DCBLD1: variants seen among roughly 807,000 people sequenced by gnomAD.
DCBLD1 encodes discoidin, CUB and LCCL domain containing 1.
A neutral mutation model predicts 71.5 loss-of-function variants in DCBLD1; 57 were observed. The ratio of observed to expected loss-of-function variants is 0.80; its 90% CI spans 0.64 to 0.99. The LOEUF is 0.99. Ranked by LOEUF, DCBLD1 falls within the 50% of genes least tolerant of loss-of-function variation. The pLI, the probability that DCBLD1 is intolerant of heterozygous loss-of-function variation, is 0.00. For missense variants in DCBLD1, 891 were observed against 923.5 expected (o/e 0.96, Z 0.46); for synonymous variants, 380 against 363.8 (o/e 1.04, Z -0.51).
chr6:117,511,764 A>G (rs1046928329), intron 2 of DCBLD1, among the ~76,000 whole-genome samples: 1 of 152,232 alleles, frequency 6.6e-6, no homozygotes, highest in Non-Finnish European at 1.5e-5. Flanking sequence ...AATGGTTTAT[A>G]TGTCTCTCAG....
intron 2 of DCBLD1, among the ~76,000 whole-genome samples, chr6:117,510,927 C>A (rs1360871413): frequency 6.6e-6 from 1 of 152,296 alleles, no homozygotes; most frequent in East Asian, 1.9e-4. Flanking sequence ...GTTACTACCT[C>A]ATTTAACCCT....
chr6:117,504,036 A>G, intron 2 of DCBLD1, 57 bp downstream of exon 2: 2 of 1,576,864 alleles, frequency 1.3e-6, no homozygotes, highest in Non-Finnish European at 8.7e-7. Context: ...TTTGCAGAGA[A>G]GGGCAAGTGG....
intron 2 of DCBLD1, among the ~76,000 whole-genome samples, chr6:117,506,433 A>G (rs1246815706): frequency 1.3e-5 from 2 of 152,216 alleles, no homozygotes; most frequent in African/African-American, 4.8e-5. Flanking sequence ...TTCGTCTAAA[A>G]CACAAGAAGT....
Position 117,482,728 on chromosome 6 carries a change from C to G in DCBLD1, c.-54C>G. On this transcript the variant is annotated 5_prime_UTR_variant, in exon 1 of 15. Coordinates refer to ENST00000338728, the MANE Select transcript of DCBLD1 (RefSeq NM_001366458.2). ...GGCGGCCCGGCCCGGGCAGCTGCGGCTCGGGATCCGTCGAGGGGAGGCCGA... is the reference window on the plus strand; with the variant it reads ...GGCGGCCCGGCCCGGGCAGCTGCGGGTCGGGATCCGTCGAGGGGAGGCCGA... 4 of 1,113,056 alleles carry G rather than the reference C, an allele frequency of 3.6e-6. No individual in the cohort carries two copies. Among genetic ancestry groups the G allele is most frequent in the Non-Finnish European group, 4.4e-6 (4 of 912,598 alleles). 68.9% of individuals were successfully genotyped at this position (1,113,056 alleles called of 1,614,324 possible).
intron 8 of DCBLD1, 153 bp from the exon 9 acceptor site, chr6:117,539,100 CTG>C: frequency 2.7e-6 from 2 of 743,522 alleles, no homozygotes; most frequent in South Asian, 2.1e-5. Flanking sequence ...AAACATTAAT[CTG>C]TGAAGAGATT....
intron 5 of DCBLD1, among the ~76,000 whole-genome samples, chr6:117,527,726 A>G (rs1347050282): frequency 6.6e-6 from 1 of 151,388 alleles, no homozygotes; most frequent in East Asian, 1.9e-4. Context: ...ACCATTTGTC[A>G]GGGATAGACT....
At chr6:117,554,544 A>C (rs1202337878), downstream of DCBLD1, among the ~76,000 whole-genome samples, 1 of 152,198 alleles carries the variant, frequency 6.6e-6, no homozygotes, top group Admixed American at 6.5e-5. Context: ...ATAGATATGA[A>C]TCCATTACTG....
At chr6:117,519,700 A>T in intron 2 of DCBLD1, 116 bp from the exon 3 acceptor site, 1 of 1,315,288 alleles carries the variant, frequency 7.6e-7, no homozygotes, top group South Asian at 1.6e-5. Context: ...TAAAGATTAT[A>T]ATCATACATA....
At chr6:117,500,014 G>A (rs534797500) in intron 1 of DCBLD1, among the ~76,000 whole-genome samples, 11 of 152,286 alleles carry the variant, frequency 7.2e-5, no homozygotes, top group Non-Finnish European at 1.2e-4. Context: ...GCGAAAGTCC[G>A]TCTCAAAAAT....
At chr6:117,560,337 C>CCAT (rs1299861367) in intron 14 of DCBLD1, 1 of 179,040 alleles carries the variant, frequency 5.6e-6, no homozygotes, top group African/African-American at 2.4e-5. Flanking sequence ...GTAGAAGATG[C>CCAT]CATCTTTATT....
At chr6:117,483,026 C>G (rs1278790785) in intron 1 of DCBLD1, 133 bp downstream of exon 1, 1 of 973,012 alleles carries the variant, frequency 1.0e-6, no homozygotes, top group Non-Finnish European at 1.2e-6. Context: ...GGGAGGAAGT[C>G]GGGCTCGCCG....
intron 2 of DCBLD1, among the ~76,000 whole-genome samples, chr6:117,518,784 C>T: frequency 6.6e-6 from 1 of 152,164 alleles, no homozygotes; most frequent in South Asian, 2.1e-4. Flanking sequence ...TCAGTTACCT[C>T]CCACCAGGTC....
intron 2 of DCBLD1, among the ~76,000 whole-genome samples, chr6:117,510,543 A>C (rs917806185): frequency 2.6e-5 from 4 of 152,190 alleles, no homozygotes; most frequent in Non-Finnish European, 5.9e-5. Flanking sequence ...TCTCTGTCAG[A>C]TACGGGATGC....
chr6:117,567,598 C>A (rs555321812), intron 14 of DCBLD1, among the ~76,000 whole-genome samples: 37 of 152,062 alleles, frequency 2.4e-4, no homozygotes, highest in Non-Finnish European at 4.7e-4. Flanking sequence ...ACACTGAGTA[C>A]CAGACACAGA....
rs867739877 is a variant in DCBLD1 at position 117,532,290 on chromosome 6, G to T, written c.616G>T (p.Ala206Ser). 1 of 1,613,026 alleles carries T rather than the reference G, an allele frequency of 6.2e-7. No individual in the cohort carries two copies. The highest frequency in any genetic ancestry group is 1.3e-5 in the African/African-American group (1 of 74,866). ...TTTATTGTGCAAAGCTGCCATCCAT[G>T]CAGGAATAATTGCTGATGAACTAGG... is the stretch of plus-strand genomic sequence containing the variant. ...TSLLCKAAIH[A>S]GIIADELGGQ... Residue 206 changes from alanine (A) to serine (S), a missense_variant, in exon 6 of 15, where the codon GCA (alanine) becomes TCA (serine). Coordinates refer to ENST00000338728, the MANE Select transcript of DCBLD1 (RefSeq NM_001366458.2).
chr6:117,520,034 AT>A, intron 3 of DCBLD1, 84 bp downstream of exon 3: 1 of 1,578,900 alleles, frequency 6.3e-7, no homozygotes, highest in Non-Finnish European at 8.7e-7. Flanking sequence ...CCTGGACATA[AT>A]TGTGGACTCA....
intron 1 of DCBLD1, among the ~76,000 whole-genome samples, chr6:117,486,334 G>A (rs1024671325): frequency 2.0e-5 from 3 of 152,200 alleles, no homozygotes; most frequent in Non-Finnish European, 2.9e-5. Context: ...TTCTACATGT[G>A]TCTTAAAGCA....
chr6:117,514,232 A>G (rs1778117361), intron 2 of DCBLD1, among the ~76,000 whole-genome samples: 1 of 152,206 alleles, frequency 6.6e-6, no homozygotes, highest in Admixed American at 6.5e-5. Flanking sequence ...TACAGCCAGT[A>G]TTCAACTCTT....
At chr6:117,536,659 G>A (rs994903804) in intron 6 of DCBLD1, among the ~76,000 whole-genome samples, 9 of 152,200 alleles carry the variant, frequency 5.9e-5, no homozygotes, top group African/African-American at 1.9e-4. Flanking sequence ...GAGAGACAGG[G>A]CAGAGACTGT....
Sources: gnomAD v4.1 joint callset for allele counts (sites outside exome capture counted in the v4.1 genomes callset) on GRCh38, gnomAD v4.1.1 for gene constraint, MANE v1.5 for transcripts, NCBI Gene and HGNC (gene_info 2026-07-23, HGNC 2026-07-21) for gene names.